UTY: variants seen among roughly 807,000 people sequenced by gnomAD.
The protein encoded by UTY is ubiquitously transcribed tetratricopeptide repeat containing, Y-linked.
Under a neutral mutation model 32.5 loss-of-function variants are expected in UTY, and 12 were observed. That is an observed-to-expected ratio of 0.37 (90% CI 0.24 to 0.60). The LOEUF is 0.60. Among genes scored for constraint, UTY ranks in the 20% least tolerant of loss-of-function variants. The pLI is 0.69. For missense variants in UTY, 303 were observed against 299.2 expected (o/e 1.01, Z -0.09); for synonymous variants, 131 against 103.4 (o/e 1.27, Z -1.62).
At chrY:13,434,191 A>C (rs1007908672) in intron 4 of UTY, among the ~76,000 whole-genome samples, 14 of 33,720 alleles carry the variant, frequency 4.2e-4, no homozygotes, top group Admixed American at 3.7e-3. Context: ...ATACAGATTG[A>C]CTTAAGAAAC....
intron 4 of UTY, among the ~76,000 whole-genome samples, chrY:13,441,800 C>T (rs2075207068): frequency 3.0e-5 from 1 of 33,637 alleles, no homozygotes; most frequent in Non-Finnish European, 7.4e-5. Flanking sequence ...GCCAGAAAAA[C>T]GGACAGGAGC....
At chrY:13,287,185 T>C in intron 27 of UTY, 1 of 384,825 alleles carries the variant, frequency 2.6e-6, no homozygotes. Context: ...GAAAAAAAAG[T>C]GAAGAAGAAA....
At chrY:13,318,199 A>ATAG (rs2059621724) in intron 21 of UTY, among the ~76,000 whole-genome samples, 1 of 29,734 alleles carries the variant, frequency 3.4e-5, no homozygotes, top group Non-Finnish European at 7.9e-5. Flanking sequence ...AATAGTAATA[A>ATAG]TAATAATAAT....
chrY:13,255,338 A>G (rs2054636035), intron 28 of UTY, among the ~76,000 whole-genome samples: 1 of 33,651 alleles, frequency 3.0e-5, no homozygotes, highest in African/African-American at 1.2e-4. Context: ...CAAGGTTTGA[A>G]AGAACCACTT....
rs201332501 is a variant in UTY, at chrY:13,288,798, ACTAT to A, written c.4010+8905_4010+8908del. ...CCAGCAAGAGACTCTGATGAAAAAT[ACTAT>A]CTATCAAAATAGACTAGCTCTTGAC... is the stretch of plus-strand genomic sequence containing the variant. On this transcript the variant is annotated intron_variant, in intron 27 of 29. Coordinates refer to ENST00000545955, the MANE Select transcript of UTY (RefSeq NM_001258249.2). Among the ~76,000 whole-genome samples the A allele has an allele frequency of 2.0e-3, 68 of 33,800 alleles. No homozygotes were observed. The East Asian group carries it at 0.05, about 25-fold the overall frequency. The allele number at this position is 33,800 out of a possible 37,273, so 90.7% of individuals were successfully genotyped here.
At position 13,248,478 on chromosome Y, in the gene UTY, A is replaced by C; in HGVS notation, c.*1378T>G. On this transcript the variant is annotated 3_prime_UTR_variant, in exon 30 of 30. Transcript: ENST00000545955. ...GTTTTAATAGAACTTATTACAATTT[A>C]CTAGCGATATAGATTTTTTAATACT... 1 of 36,504 alleles carries C rather than the reference A, an allele frequency of 2.7e-5. No homozygotes were observed. Among genetic ancestry groups the C allele is most frequent in the Non-Finnish European group, 6.5e-5 (1 of 15,310 alleles). The allele number at this position is 36,504 out of a possible 400,897, so 9.1% of individuals were successfully genotyped here.
At chrY:13,423,221 T>A in intron 4 of UTY, among the ~76,000 whole-genome samples, 1 of 33,330 alleles carries the variant, frequency 3.0e-5, no homozygotes, top group Non-Finnish European at 7.4e-5. Flanking sequence ...AGGAAAAGAA[T>A]GGCATAGAAA....
At chrY:13,351,625 T>C in intron 17 of UTY, among the ~76,000 whole-genome samples, 2 of 33,419 alleles carry the variant, frequency 6.0e-5, no homozygotes, top group Non-Finnish European at 1.5e-4. Flanking sequence ...ATTCACATCC[T>C]GGTCAAATGG....
At position 13,444,000 on chromosome Y, in the gene UTY, G is replaced by A. The variant is rs749646553; in HGVS notation, c.375+5017C>T. On this transcript the variant is annotated intron_variant, in intron 4 of 29. Coordinates refer to ENST00000545955, the MANE Select transcript of UTY (RefSeq NM_001258249.2). ...TTAAAAAACTAATTTTCTTGGCCAG[G>A]AGCGGTGGCTCAGATCTATAATCCC... Among the ~76,000 whole-genome samples, 9 of 33,903 alleles carry A rather than the reference G, an allele frequency of 2.7e-4. No individual in the cohort carries two copies. In the South Asian group the frequency reaches 5.8e-3, roughly 22 times the overall value. 91.0% of individuals were successfully genotyped at this position (33,903 alleles called of 37,273 possible). A position where few individuals can be genotyped will look rare whatever the true frequency, so the allele number is the denominator to read the frequency against.
intron 3 of UTY, among the ~76,000 whole-genome samples, chrY:13,463,308 T>C (rs2077585083): frequency 3.0e-5 from 1 of 33,107 alleles, no homozygotes; most frequent in South Asian, 6.7e-4. Flanking sequence ...CTATTGTGAA[T>C]AGTGCCTCAA....
chrY:13,352,516 C>G (rs761591664), intron 17 of UTY, among the ~76,000 whole-genome samples: 6 of 32,873 alleles, frequency 1.8e-4, no homozygotes, highest in Admixed American at 1.7e-3. Context: ...GGTATGTTTT[C>G]CAGGCTGGTC....
At chrY:13,273,938 C>T (rs2056461577) in intron 27 of UTY, among the ~76,000 whole-genome samples, 1 of 25,766 alleles carries the variant, frequency 3.9e-5, no homozygotes, top group Non-Finnish European at 8.7e-5. Flanking sequence ...GTTGTGGATA[C>T]AATCAGGAAA....
rs370061883 is a variant in UTY, at chrY:13,348,569, T to G, written c.2061+6434A>C. Among the ~76,000 whole-genome samples, 11 of 34,071 alleles carry G rather than the reference T, an allele frequency of 3.2e-4. No homozygotes were observed. The East Asian group carries it at 5.3e-3, about 16-fold the overall frequency. The allele number at this position is 34,071 out of a possible 37,273, so 91.4% of individuals were successfully genotyped here. ...AAGCTGGTAGATTGTACAAACTGCC[T>G]GTATCACACAAATTTCTTATTTTCC... On this transcript the variant is annotated intron_variant, in intron 17 of 29. Transcript: ENST00000545955.
At chrY:13,315,298 C>A (rs2059423163) in intron 21 of UTY, among the ~76,000 whole-genome samples, 1 of 34,283 alleles carries the variant, frequency 2.9e-5, no homozygotes, top group African/African-American at 1.1e-4. Context: ...ATTTGTGAAA[C>A]GTATTTTGAA....
intron 27 of UTY, among the ~76,000 whole-genome samples, chrY:13,288,454 C>T: frequency 3.5e-5 from 1 of 28,866 alleles, no homozygotes; most frequent in Non-Finnish European, 8.2e-5. Flanking sequence ...AGACACACAG[C>T]TTATGCTAAG....
At chrY:13,331,879 G>A (rs2060719254) in intron 18 of UTY, among the ~76,000 whole-genome samples, 1 of 33,172 alleles carries the variant, frequency 3.0e-5, no homozygotes, top group Admixed American at 2.7e-4. Context: ...GAATAAAAAG[G>A]AATGAACAAA....
chrY:13,249,630 G>A lies in UTY; in HGVS notation c.*226C>T, dbSNP rs947292564. 6.4e-5 allele frequency: 4 copies of A among 62,862 alleles called. No individual in the cohort carries two copies. The highest frequency in any genetic ancestry group is 6.4e-5 in the Non-Finnish European group (2 of 31,389). 15.7% of individuals were successfully genotyped at this position (62,862 alleles called of 400,897 possible). On this transcript the variant is annotated 3_prime_UTR_variant, in exon 30 of 30. Transcript: ENST00000545955. The stretch of plus-strand genomic sequence containing the variant: ...GTGTCACTTTGACAGTTTGTCATAC[G>A]TACACAAAACATATGATTAATATTA...
chrY:13,303,979 T>C (rs911658605), intron 24 of UTY, among the ~76,000 whole-genome samples: 1 of 32,990 alleles, frequency 3.0e-5, no homozygotes, highest in Admixed American at 2.8e-4. Context: ...CTCACTTGTC[T>C]AAAAAAAGCA....
chrY:13,369,262 G>A lies in UTY; in HGVS notation c.733C>T (p.Gln245Ter). The A allele has an allele frequency of 2.8e-6, 1 of 362,034 alleles. No individual in the cohort carries two copies. The highest frequency in any genetic ancestry group is 3.8e-6 in the Non-Finnish European group (1 of 263,128). 90.3% of individuals were successfully genotyped at this position (362,034 alleles called of 400,897 possible). A position where few individuals can be genotyped will look rare whatever the true frequency, so the allele number is the denominator to read the frequency against. The change falls in exon 9 of 30, where the codon CAG becomes TAG. Residue 245 changes from glutamine to a stop codon, truncating the protein, a stop_gained. Coordinates refer to ENST00000545955, the MANE Select transcript of UTY (RefSeq NM_001258249.2). LOFTEE classifies it high-confidence loss of function. ...PAQVKATVLQQLGWMHHNMDL... is the reference protein window; with the variant it reads ...PAQVKATVLQ ...AATAAAAGTTTTCATGTACCTAACT[G>A]TTGCAATACAGTTGCTTTTACTTGT... is the stretch of plus-strand genomic sequence containing the variant.
Sources: gnomAD v4.1 joint callset for allele counts (sites outside exome capture counted in the v4.1 genomes callset) on GRCh38, gnomAD v4.1.1 for gene constraint, MANE v1.5 for transcripts, NCBI Gene and HGNC (gene_info 2026-07-23, HGNC 2026-07-21) for gene names.